SLC35G1: variants seen among roughly 807,000 people sequenced by gnomAD.
The protein encoded by SLC35G1 is partner of STIM1.
A neutral mutation model predicts 17.1 loss-of-function variants in SLC35G1; 10 were observed. The observed-to-expected ratio is 0.59, with a 90% confidence interval of 0.36 to 0.99. SLC35G1 has a LOEUF of 0.99. Ranked by LOEUF, SLC35G1 falls within the 50% of genes least tolerant of loss-of-function variation. The pLI, the probability that SLC35G1 is intolerant of heterozygous loss-of-function variation, is 0.01. For synonymous variants in SLC35G1, 185 were observed against 181.1 expected, an observed-to-expected ratio of 1.02 and a Z score of -0.18; for missense variants, 433 against 468.4, an observed-to-expected ratio of 0.92 and a Z score of 0.70.
intron 2 of SLC35G1, 100 bp downstream of exon 2, chr10:93,898,851 C>A: frequency 8.5e-7 from 1 of 1,173,492 alleles, no homozygotes; most frequent in Non-Finnish European, 1.2e-6. Flanking sequence ...ATCTCATATA[C>A]TTACCAGTTC....
chr10:93,904,525 C>G (rs182564370), downstream of SLC35G1, among the ~76,000 whole-genome samples: 275 of 152,334 alleles, frequency 1.8e-3, 1 homozygote, highest in Admixed American at 3.1e-3. Flanking sequence ...GCATTTCCCC[C>G]CTGTCCTTAC....
At chr10:93,900,662 G>T in intron 2 of SLC35G1, 90 bp from the exon 3 acceptor site, 6 of 1,061,572 alleles carry the variant, frequency 5.7e-6, no homozygotes, top group African/African-American at 1.6e-5. Flanking sequence ...TTGATATTTA[G>T]TACTTTTAAA....
downstream of SLC35G1, chr10:93,908,424 A>T (rs1445106542): frequency 6.6e-6 from 1 of 152,176 alleles, no homozygotes; most frequent in Non-Finnish European, 1.5e-5. Context: ...CCAATACTTC[A>T]TGCTGCCTCC....
At chr10:93,895,179 T>C (rs962890604) in intron 1 of SLC35G1, among the ~76,000 whole-genome samples, 1 of 152,198 alleles carries the variant, frequency 6.6e-6, no homozygotes, top group Non-Finnish European at 1.5e-5. Flanking sequence ...ACCCTGGATT[T>C]CTGTTCCTCT....
At position 93,900,888 on chromosome 10, in the gene SLC35G1, A is replaced by G. The variant is rs993225206; in HGVS notation, c.496A>G (p.Ser166Gly). The change falls in exon 3 of 3, where the codon AGT becomes GGT. Residue 166 changes from serine (S) to glycine (G), a missense_variant. Coordinates refer to ENST00000427197, the MANE Select transcript of SLC35G1 (RefSeq NM_001134658.3). Reference protein sequence around the residue: ...LADATVITFSSPVFTSIFAWI... With the variant: ...LADATVITFSGPVFTSIFAWI... Reference sequence around the variant, plus strand: ...TGATGCCACAGTTATCACGTTTAGCAGTCCAGTGTTTACGTCCATATTTGC... The same window carrying G: ...TGATGCCACAGTTATCACGTTTAGCGGTCCAGTGTTTACGTCCATATTTGC... The G allele has an allele frequency of 1.9e-6, 3 of 1,614,098 alleles. No homozygotes were observed. Among genetic ancestry groups the G allele is most frequent in the Non-Finnish European group, 2.5e-6 (3 of 1,179,986 alleles).
rs1266674863 is a variant in SLC35G1 at position 93,901,662 on chromosome 10, T to G, written c.*172T>G. ...CTTTAGTTAAGAATAGCTAGTCTGT[T>G]TGGTGTAACAATTTTTTGGTAGCTT... On this transcript the variant is annotated 3_prime_UTR_variant, in exon 3 of 3. Transcript: ENST00000427197. 9.7e-6 allele frequency: 7 copies of G among 720,646 alleles called. No individual in the cohort carries two copies. In the African/African-American group the frequency reaches 1.3e-4, roughly 13 times the overall value. The allele number at this position is 720,646 out of a possible 1,614,324, so 44.6% of individuals were successfully genotyped here. A position where few individuals can be genotyped will look rare whatever the true frequency, so the allele number is the denominator to read the frequency against.
At chr10:93,898,501 C>G (rs11187724) in intron 1 of SLC35G1, 70 bp from the exon 2 acceptor site, 707,557 of 1,477,394 alleles carry the variant, frequency 0.48, 174,809 homozygotes, top group East Asian at 0.86. Context: ...CCATTTTTCT[C>G]AGTTTCTAAG....
intron 1 of SLC35G1, among the ~76,000 whole-genome samples, chr10:93,897,594 T>C (rs2060343180): frequency 6.6e-6 from 1 of 152,220 alleles, no homozygotes; most frequent in Non-Finnish European, 1.5e-5. Context: ...CTGCCCACCC[T>C]GCTGCTTTTG....
chr10:93,897,723 T>C (rs2060344603), intron 1 of SLC35G1, among the ~76,000 whole-genome samples: 1 of 152,212 alleles, frequency 6.6e-6, no homozygotes, highest in Non-Finnish European at 1.5e-5. Context: ...AATGACTGAA[T>C]ACTTGATGCC....
At chr10:93,898,499 C>T in intron 1 of SLC35G1, 72 bp from the exon 2 acceptor site, 1 of 1,464,960 alleles carries the variant, frequency 6.8e-7, no homozygotes, top group South Asian at 1.3e-5. Flanking sequence ...TTCCATTTTT[C>T]TCAGTTTCTA....
At chr10:93,905,643 T>C (rs2060424094), downstream of SLC35G1, among the ~76,000 whole-genome samples, 9 of 152,066 alleles carry the variant, frequency 5.9e-5, no homozygotes. Flanking sequence ...GGGAGGGCAG[T>C]AAATGTAGCA....
At chr10:93,907,795 C>CAAAATAAAAT (rs72348488), downstream of SLC35G1, 1,143 of 150,166 alleles carry the variant, frequency 7.6e-3, 12 homozygotes, top group African/African-American at 0.026. Flanking sequence ...ATAACTTAGT[C>CAAAATAAAAT]AAAATAAAAT....
chr10:93,906,849 C>T (rs1191129895), downstream of SLC35G1, among the ~76,000 whole-genome samples: 2 of 152,100 alleles, frequency 1.3e-5, no homozygotes, highest in African/African-American at 2.4e-5. Flanking sequence ...AATAATAATA[C>T]TAAGAATGTT....
chr10:93,906,988 G>A (rs2060432956), downstream of SLC35G1: 2 of 152,170 alleles, frequency 1.3e-5, no homozygotes, highest in East Asian at 3.9e-4. Flanking sequence ...TATCAAGCCA[G>A]GTTTGCAAAA....
Position 93,900,732 on chromosome 10 carries a change from T to G in SLC35G1, c.360-20T>G. ...AATATTAATTTCATTTAATATGCAT[T>G]TCTTCATTTGAATTTACAGAACTGG... is the stretch of plus-strand genomic sequence containing the variant. On this transcript the variant is annotated intron_variant, in intron 2 of 2. Coordinates refer to ENST00000427197, the MANE Select transcript of SLC35G1 (RefSeq NM_001134658.3). 1 of 1,520,066 alleles carries G rather than the reference T, an allele frequency of 6.6e-7. No individual in the cohort carries two copies. Among genetic ancestry groups the G allele is most frequent in the Non-Finnish European group, 8.8e-7 (1 of 1,131,202 alleles). The allele number at this position is 1,520,066 out of a possible 1,614,324, so 94.2% of individuals were successfully genotyped here.
In SLC35G1 at chr10:93,901,341, A is replaced by G. The variant is rs1426863744; in HGVS notation, c.949A>G (p.Met317Val). 1.2e-6 allele frequency: 2 copies of G among 1,614,104 alleles called. No individual in the cohort carries two copies. Among genetic ancestry groups the G allele is most frequent in the Admixed American group, 1.7e-5 (1 of 60,016 alleles). ...AGAAAAAGCAGGGCCAGTAGCAATA[A>G]TGAAGACAATGGATGTGGTCTTTGC... ...QIEKAGPVAI[M>V]KTMDVVFAFI... The change falls in exon 3 of 3, where the codon ATG becomes GTG. Residue 317 changes from methionine to valine, a missense_variant. By Grantham distance (21) the Met-to-Val change is conservative (BLOSUM62 1). Transcript: ENST00000427197.
chr10:93,906,805 C>G (rs1035415414), downstream of SLC35G1, among the ~76,000 whole-genome samples: 1 of 151,986 alleles, frequency 6.6e-6, no homozygotes, highest in African/African-American at 2.4e-5. Flanking sequence ...TCCTCAGGAC[C>G]CTTTCAAAGT....
At chr10:93,906,565 A>G (rs2134074475), downstream of SLC35G1, among the ~76,000 whole-genome samples, 2 of 152,376 alleles carry the variant, frequency 1.3e-5, no homozygotes, top group Middle Eastern at 6.8e-3. Context: ...TATAAACGAT[A>G]AAATTGTCTT....
At position 93,898,586 on chromosome 10, in the gene SLC35G1, C is replaced by T. The variant is rs758448850; in HGVS notation, c.194C>T (p.Ala65Val). 1.0e-5 allele frequency: 16 copies of T among 1,602,712 alleles called. No homozygotes were observed. Among genetic ancestry groups the T allele is most frequent in the Admixed American group, 5.3e-5 (3 of 56,166 alleles). Residue 65 changes from alanine (A) to valine (V), a missense_variant, in exon 2 of 3, where the codon GCA (alanine) becomes GTA (valine). Transcript: ENST00000427197. The part of the protein sequence containing the change: ...SRTEPEAKKK[A>V]PCPGLGLFYT... Reference sequence around the variant, plus strand: ...TCTTTTTCAGAAGCCAAGAAGAAAGCACCCTGTCCTGGACTTGGCTTGTTT... The same window carrying T: ...TCTTTTTCAGAAGCCAAGAAGAAAGTACCCTGTCCTGGACTTGGCTTGTTT...
Sources: allele counts gnomAD v4.1 joint callset (sites outside exome capture counted in the v4.1 genomes callset), GRCh38; gene constraint gnomAD v4.1.1; transcripts MANE v1.5; gene names NCBI Gene and HGNC (gene_info 2026-07-23, HGNC 2026-07-21).